Variants in PWWP3A observed in about 807,000 individuals in gnomAD.
PWWP3A encodes the protein PWWP domain containing 3A, DNA repair factor.
PWWP3A carries 53 observed loss-of-function variants against 79.0 expected under a neutral mutation model. The ratio of observed to expected loss-of-function variants is 0.67; its 90% CI spans 0.54 to 0.84. The LOEUF (loss-of-function observed/expected upper bound fraction) is 0.84, where lower values mean the gene tolerates loss of function less well. Ranked by LOEUF, PWWP3A falls within the 40% of genes least tolerant of loss-of-function variation. The pLI is 0.00. For missense variants in PWWP3A, 973 were observed against 948.0 expected (o/e 1.03, Z -0.35); for synonymous variants, 443 against 394.4 (o/e 1.12, Z -1.46).
At position 1,366,533 on chromosome 19, in the gene PWWP3A, T is replaced by C. The variant is rs1427427056; in HGVS notation, c.1361+152T>C. On this transcript the variant is annotated intron_variant, in intron 8 of 13. Coordinates refer to ENST00000591337, the MANE Select transcript of PWWP3A (RefSeq NM_001369789.1). ...GGCTAGTGAGGTCTCACTGGAGGTGTGCCCTTCTTGTGGCCTCTCACTCCC... is the reference window on the plus strand; with the variant it reads ...GGCTAGTGAGGTCTCACTGGAGGTGCGCCCTTCTTGTGGCCTCTCACTCCC... 7.4e-5 allele frequency: 50 copies of C among 679,640 alleles called. No individual in the cohort carries two copies. In the Admixed American group the frequency reaches 1.2e-3, roughly 16 times the overall value. 42.1% of individuals were successfully genotyped at this position (679,640 alleles called of 1,614,324 possible). A position where few individuals can be genotyped will look rare whatever the true frequency, so the allele number is the denominator to read the frequency against.
In PWWP3A at chr19:1,360,744, C is replaced by T. The variant is rs141309061; in HGVS notation, c.823C>T (p.Leu275=). Residue 275 remains leucine, a synonymous_variant, in exon 5 of 14, where the codon CTG becomes TTG. Coordinates refer to ENST00000591337, the MANE Select transcript of PWWP3A (RefSeq NM_001369789.1). This position sits in a 1 kb window ranked among gnomAD's most constrained non-coding sequence, Gnocchi z 4.4. ...CAACGCTGAGGGACACGACCCCGGTCTGCCGTTGGGCAGCCTCACTGCGCC... is the reference window on the plus strand; with the variant it reads ...CAACGCTGAGGGACACGACCCCGGTTTGCCGTTGGGCAGCCTCACTGCGCC... The part of the protein sequence containing the change: ...CANAEGHDPG[L]PLGSLTAPPA... The T allele has an allele frequency of 3.4e-4, 541 of 1,612,600 alleles. 1 individual carries two copies. The African/African-American group carries it at 3.7e-3, about 11-fold the overall frequency.
rs568337459 is a variant in PWWP3A, at chr19:1,365,505, C to T, written c.1285-800C>T. Among the ~76,000 whole-genome samples, 8 of 152,386 alleles carry T rather than the reference C, an allele frequency of 5.2e-5. No individual in the cohort carries two copies. The East Asian group carries it at 1.3e-3, about 26-fold the overall frequency. On this transcript the variant is annotated intron_variant, in intron 7 of 13. Coordinates refer to ENST00000591337, the MANE Select transcript of PWWP3A (RefSeq NM_001369789.1). ...TCACTCGAGTCACCCAGGCTCCTTG[C>T]ATGTGACTGATTGTGGTTCCGGGAA...
chr19:1,356,928 C>A, intron 2 of PWWP3A, 81 bp from the exon 3 acceptor site: 1 of 1,094,258 alleles, frequency 9.1e-7, no homozygotes. Flanking sequence ...GGATTACCTG[C>A]TGCATTTGTG....
chr19:1,369,979 C>G lies in PWWP3A; in HGVS notation c.1549+333C>G, dbSNP rs1450257118. Among the ~76,000 whole-genome samples, 1 of 152,200 alleles carries G rather than the reference C, an allele frequency of 6.6e-6. No homozygotes were observed. Among genetic ancestry groups the G allele is most frequent in the Non-Finnish European group, 1.5e-5 (1 of 68,042 alleles). On this transcript the variant is annotated intron_variant, in intron 11 of 13. Transcript: ENST00000591337. This position sits in a 1 kb window ranked among gnomAD's most constrained non-coding sequence, Gnocchi z 4.0. The stretch of plus-strand genomic sequence containing the variant: ...GTGCGGAGGCTCACACCTGTAATCC[C>G]AGCACTTTGGGAGGCTGAAGCAAGA...
Position 1,369,197 on chromosome 19 carries a change from G to A in PWWP3A, c.1423-68G>A, listed in dbSNP as rs2082196927. 8 of 1,480,186 alleles carry A rather than the reference G, an allele frequency of 5.4e-6. No homozygotes were observed. Among genetic ancestry groups the A allele is most frequent in the South Asian group, 2.3e-5 (2 of 86,730 alleles). The allele number at this position is 1,480,186 out of a possible 1,614,324, so 91.7% of individuals were successfully genotyped here. ...CACCTGGCTGGTCCCTGGGCTCTGC[G>A]TGGCTTCTGAACCCAGGGTGCTTGG... On this transcript the variant is annotated intron_variant, in intron 9 of 13. Transcript: ENST00000591337. The surrounding 1 kb of genome is among the most constrained non-coding windows in gnomAD (Gnocchi z 4.0).
At chr19:1,358,721 G>C in intron 4 of PWWP3A, 1 of 1,480,800 alleles carries the variant, frequency 6.8e-7, no homozygotes. Flanking sequence ...AGGTCATCTC[G>C]TACCCCCGTG....
intron 12 of PWWP3A, 57 bp from the exon 13 acceptor site, chr19:1,373,014 GC>G: frequency 6.5e-7 from 1 of 1,530,730 alleles, no homozygotes; most frequent in Non-Finnish European, 9.0e-7. Context: ...TTAACCGCAG[GC>G]CACTTGGGGC....
In PWWP3A at chr19:1,356,317, G is replaced by T; in HGVS notation, c.-69-7G>T. 2 of 1,470,602 alleles carry T rather than the reference G, an allele frequency of 1.4e-6. No homozygotes were observed. Among genetic ancestry groups the T allele is most frequent in the South Asian group, 1.1e-5 (1 of 87,836 alleles). The allele number at this position is 1,470,602 out of a possible 1,614,324, so 91.1% of individuals were successfully genotyped here. On this transcript the variant is annotated splice_region_variant and splice_polypyrimidine_tract_variant and intron_variant, in intron 1 of 13. Coordinates refer to ENST00000591337, the MANE Select transcript of PWWP3A (RefSeq NM_001369789.1). The stretch of plus-strand genomic sequence containing the variant: ...TTGTATAAACCACCGTGCAAATTTC[G>T]TTCCAGGACACATTGGCGTGAGACC...
chr19:1,357,729 T>C (rs996853806), intron 3 of PWWP3A: 14 of 150,856 alleles, frequency 9.3e-5, no homozygotes, highest in Admixed American at 3.3e-4. Flanking sequence ...AAGGTGTAGA[T>C]CATCTAGAAT....
chr19:1,378,014 C>T lies in PWWP3A; in HGVS notation c.*1438C>T, dbSNP rs1318213746. The T allele has an allele frequency of 6.6e-6, 1 of 152,296 alleles. No individual in the cohort carries two copies. The highest frequency in any genetic ancestry group is 6.5e-5 in the Admixed American group (1 of 15,290). The allele number at this position is 152,296 out of a possible 1,614,324, so 9.4% of individuals were successfully genotyped here. On this transcript the variant is annotated 3_prime_UTR_variant, in exon 14 of 14. Coordinates refer to ENST00000591337, the MANE Select transcript of PWWP3A (RefSeq NM_001369789.1). ...TCACTGACCTTTGTTTCACTTGCCT[C>T]TGCTCGACTCCGAGAGCAGGAAACC... is the stretch of plus-strand genomic sequence containing the variant.
chr19:1,375,695 C>A (rs2082370822), intron 13 of PWWP3A, among the ~76,000 whole-genome samples: 1 of 83,142 alleles, frequency 1.2e-5, no homozygotes. Context: ...ATATATAAAA[C>A]AATTTAATAT....
At position 1,376,939 on chromosome 19, in the gene PWWP3A, G is replaced by T; in HGVS notation, c.*363G>T. 5.6e-6 allele frequency: 1 copy of T among 178,378 alleles called. No individual in the cohort carries two copies. 11.0% of individuals were successfully genotyped at this position (178,378 alleles called of 1,614,324 possible). A position where few individuals can be genotyped will look rare whatever the true frequency, so the allele number is the denominator to read the frequency against. ...TATGTGTGGCATCTGATATTAAACG[G>T]GAGGTTTTAAGAAGCGTCTGCCGTG... On this transcript the variant is annotated 3_prime_UTR_variant, in exon 14 of 14. Coordinates refer to ENST00000591337, the MANE Select transcript of PWWP3A (RefSeq NM_001369789.1).
chr19:1,372,081 G>A (rs1468869742), intron 12 of PWWP3A: 1 of 152,272 alleles, frequency 6.6e-6, no homozygotes, highest in African/African-American at 2.4e-5. Flanking sequence ...TGGGATTACA[G>A]GCGTGAGCCA....
chr19:1,357,174 T>A (rs1201999526), intron 3 of PWWP3A, 80 bp downstream of exon 3: 6 of 1,064,904 alleles, frequency 5.6e-6, no homozygotes, highest in Non-Finnish European at 4.2e-6. Context: ...CCCAAAACAG[T>A]TGAAGCCCAG....
At chr19:1,364,466 G>A in intron 6 of PWWP3A, 43 bp from the exon 7 acceptor site, 1 of 1,468,156 alleles carries the variant, frequency 6.8e-7, no homozygotes, top group Non-Finnish European at 9.4e-7. Flanking sequence ...GATTTGACTT[G>A]TCTATTCTTT....
At position 1,361,001 on chromosome 19, in the gene PWWP3A, T is replaced by G. The variant is rs1195429618; in HGVS notation, c.1080T>G (p.Leu360=). The G allele has an allele frequency of 7.0e-7, 1 of 1,434,242 alleles. No individual in the cohort carries two copies. Among genetic ancestry groups the G allele is most frequent in the Non-Finnish European group, 9.2e-7 (1 of 1,091,904 alleles). 88.8% of individuals were successfully genotyped at this position (1,434,242 alleles called of 1,614,324 possible). A position where few individuals can be genotyped will look rare whatever the true frequency, so the allele number is the denominator to read the frequency against. ...SHASADATRC[L]PCPDSQKLEK... ...CCTCTGCGGATGCAACCAGATGTCT[T>G]CCTTGCCCGGATTCCCAGAAGCTGG... Residue 360 remains leucine, a synonymous_variant, in exon 5 of 14, where the codon CTT becomes CTG. Coordinates refer to ENST00000591337, the MANE Select transcript of PWWP3A (RefSeq NM_001369789.1).
At chr19:1,363,846 A>G (rs1342172669) in intron 6 of PWWP3A, among the ~76,000 whole-genome samples, 2 of 152,100 alleles carry the variant, frequency 1.3e-5, no homozygotes, top group Admixed American at 6.5e-5. Context: ...TTAGGTTTTG[A>G]TCTGTGTTTA....
intron 3 of PWWP3A, 49 bp downstream of exon 3, chr19:1,357,143 G>A: frequency 7.0e-7 from 1 of 1,424,802 alleles, no homozygotes. Context: ...GTAGATTTCT[G>A]ATACTTCAAT....
At chr19:1,366,899 G>C (rs533282887) in intron 8 of PWWP3A, among the ~76,000 whole-genome samples, 8 of 152,360 alleles carry the variant, frequency 5.3e-5, no homozygotes, top group Non-Finnish European at 1.0e-4. Context: ...GCCCCCGAGG[G>C]GTGGGAGGTG....
Sources: gnomAD v4.1 joint callset for allele counts (sites outside exome capture counted in the v4.1 genomes callset) on GRCh38, gnomAD v4.1.1 for gene constraint, Gnocchi (gnomAD v3.1) non-coding constraint, MANE v1.5 for transcripts, NCBI Gene and HGNC (gene_info 2026-07-23, HGNC 2026-07-21) for gene names.